NR5A2: variants seen among roughly 807,000 people sequenced by gnomAD.
The protein encoded by NR5A2 is nuclear receptor subfamily 5 group A member 2, also known as CYP7A promoter-binding factor.
A neutral mutation model predicts 62.7 loss-of-function variants in NR5A2; 26 were observed. The ratio of observed to expected loss-of-function variants is 0.41; its 90% CI spans 0.30 to 0.58. The LOEUF (loss-of-function observed/expected upper bound fraction) is 0.58, where lower values mean the gene tolerates loss of function less well. Ranked by LOEUF, NR5A2 falls within the 20% of genes least tolerant of loss-of-function variation. The probability of loss-of-function intolerance (pLI) is 0.22; values close to 1 mark genes in which losing one functional copy is unlikely to be tolerated. For synonymous variants in NR5A2, 246 were observed against 241.7 expected (o/e 1.02, Z -0.16); for missense variants, 541 against 669.1 (o/e 0.81, Z 2.11).
intron 5 of NR5A2, among the ~76,000 whole-genome samples, chr1:200,066,588 C>CTTTTCT (rs1553267898): frequency 8.8e-6 from 1 of 113,156 alleles, no homozygotes; most frequent in African/African-American, 4.1e-5. Context: ...AATTAATTAT[C>CTTTTCT]TTTTTTTTTT....
At chr1:200,089,684 G>A (rs981942453) in intron 5 of NR5A2, among the ~76,000 whole-genome samples, 9 of 151,950 alleles carry the variant, frequency 5.9e-5, no homozygotes, top group Admixed American at 3.3e-4. Context: ...TGCCCAGGCT[G>A]GTCTTGAACT....
intron 7 of NR5A2, among the ~76,000 whole-genome samples, chr1:200,162,452 C>T (rs532427273): frequency 6.6e-6 from 1 of 152,148 alleles, no homozygotes; most frequent in Non-Finnish European, 1.5e-5. Flanking sequence ...GATAGATAAA[C>T]AGGCCAGATA....
chr1:200,072,827 G>A (rs1261112612), intron 5 of NR5A2, among the ~76,000 whole-genome samples: 1 of 152,088 alleles, frequency 6.6e-6, no homozygotes, highest in Non-Finnish European at 1.5e-5. Flanking sequence ...ATAGAAAGGG[G>A]AAGAGCATCT....
At position 200,048,837 on chromosome 1, in the gene NR5A2, C is replaced by G. The variant is rs766518096; in HGVS notation, c.1110+19C>G. ...ACTTAAGGTATGCCACCAGCTATTA[C>G]AACTTACAGCACCCCTTTTAAGAGA... On this transcript the variant is annotated intron_variant, in intron 5 of 7. Coordinates refer to ENST00000367362, the MANE Select transcript of NR5A2 (RefSeq NM_205860.3). The surrounding 1 kb of genome is among the most constrained non-coding windows in gnomAD (Gnocchi z 4.8). 6.2e-7 allele frequency: 1 copy of G among 1,610,804 alleles called. No individual in the cohort carries two copies.
chr1:200,043,828 G>T lies in NR5A2; in HGVS notation c.257G>T (p.Cys86Phe). Residue 86 changes from cysteine (C) to phenylalanine (F), a missense_variant, in exon 3 of 8, where the codon TGT becomes TTT. Cys to Phe is a radical substitution (Grantham distance 205, BLOSUM62 -2). Around this residue, in one of 3 missense-constraint regions of NR5A2, gnomAD observed 54 missense variants for 123.8 expected, o/e 0.44. Coordinates refer to ENST00000367362, the MANE Select transcript of NR5A2 (RefSeq NM_205860.3). Reference sequence around the variant, plus strand: ...TATGATGAAGATCTGGAAGAGCTTTGTCCCGTGTGTGGAGATAAAGTGTCT... The same window carrying T: ...TATGATGAAGATCTGGAAGAGCTTTTTCCCGTGTGTGGAGATAAAGTGTCT... Reference protein sequence around the residue: ...YSYDEDLEELCPVCGDKVSGY... With the variant: ...YSYDEDLEELFPVCGDKVSGY... 1 of 1,613,864 alleles carries T rather than the reference G, an allele frequency of 6.2e-7. No homozygotes were observed. Among genetic ancestry groups the T allele is most frequent in the Non-Finnish European group, 8.5e-7 (1 of 1,179,886 alleles).
intron 7 of NR5A2, among the ~76,000 whole-genome samples, chr1:200,129,609 G>A (rs1440187987): frequency 6.6e-6 from 1 of 152,196 alleles, no homozygotes. Flanking sequence ...TAACTGCTCA[G>A]TTGTTTGCTA....
chr1:200,045,065 G>A (rs1158793127), intron 3 of NR5A2, among the ~76,000 whole-genome samples: 1 of 151,690 alleles, frequency 6.6e-6, no homozygotes, highest in Non-Finnish European at 1.5e-5. Flanking sequence ...AATTATATCA[G>A]ACTACTTAAA....
intron 5 of NR5A2, chr1:200,057,586 C>T (rs986861770): frequency 1.8e-5 from 6 of 342,072 alleles, no homozygotes; most frequent in Non-Finnish European, 3.5e-5. Flanking sequence ...TCAAGTGATT[C>T]GCCTGCCTCA....
chr1:200,061,154 G>A lies in NR5A2; in HGVS notation c.1110+12336G>A, dbSNP rs529643290. ...AAAAAAAAAAAAAATTAAGTCTGAA[G>A]TACCCAGGACTTGTTGAAATGCTGC... On this transcript the variant is annotated intron_variant, in intron 5 of 7. Transcript: ENST00000367362. 1.1e-4 allele frequency among the ~76,000 whole-genome samples: 17 copies of A among 149,150 alleles called. No individual in the cohort carries two copies. The South Asian group carries it at 3.6e-3, about 32-fold the overall frequency.
At chr1:200,111,138 A>G in intron 5 of NR5A2, 64 bp from the exon 6 acceptor site, 1 of 1,568,456 alleles carries the variant, frequency 6.4e-7, no homozygotes, top group East Asian at 2.3e-5. Context: ...CAAAAACAAA[A>G]AAGTAGTGAA....
At chr1:200,079,152 T>C (rs1057336551) in intron 5 of NR5A2, among the ~76,000 whole-genome samples, 6 of 152,318 alleles carry the variant, frequency 3.9e-5, no homozygotes, top group South Asian at 2.1e-4. Flanking sequence ...ACAAATGTTA[T>C]TGATATAAGG....
intron 5 of NR5A2, among the ~76,000 whole-genome samples, chr1:200,098,551 T>A (rs1352994167): frequency 6.6e-6 from 1 of 152,214 alleles, no homozygotes; most frequent in Non-Finnish European, 1.5e-5. Flanking sequence ...TGGGCTTGGA[T>A]TCAGAACACC....
Position 200,039,335 on chromosome 1 carries a change from G to T in NR5A2, c.65-323G>T, listed in dbSNP as rs1216585541. ...CAATAGCAGCCCCGCGGTCGCCTCC[G>T]CTGCCCGCCGGGAGCTCGGCGGTTC... On this transcript the variant is annotated intron_variant, in intron 1 of 7. Transcript: ENST00000367362. The surrounding 1 kb of genome is among the most constrained non-coding windows in gnomAD (Gnocchi z 5.1). Among the ~76,000 whole-genome samples, 1 of 149,368 alleles carries T rather than the reference G, an allele frequency of 6.7e-6. No homozygotes were observed. Among genetic ancestry groups the T allele is most frequent in the African/African-American group, 2.5e-5 (1 of 40,534 alleles).
rs1193219004 is a variant in NR5A2, at chr1:200,048,610, T to A, written c.902T>A (p.Ile301Asn). 1.2e-6 allele frequency: 2 copies of A among 1,614,166 alleles called. No individual in the cohort carries two copies. Among genetic ancestry groups the A allele is most frequent in the Non-Finnish European group, 1.7e-6 (2 of 1,180,034 alleles). Residue 301 changes from isoleucine (I) to asparagine (N), a missense_variant, in exon 5 of 8, where the codon ATC becomes AAC. Around this residue, in one of 3 missense-constraint regions of NR5A2, gnomAD observed 379 missense variants for 442.0 expected, o/e 0.86. Coordinates refer to ENST00000367362, the MANE Select transcript of NR5A2 (RefSeq NM_205860.3). The surrounding 1 kb of genome is among the most constrained non-coding windows in gnomAD (Gnocchi z 4.8). ...TACCAGACGAGCTCTCCAGCAAGCA[T>A]CCCACATCTGATACTGGAACTTTTG... ...DSYQTSSPAS[I>N]PHLILELLKC...
chr1:200,090,179 A>G (rs1030860466), intron 5 of NR5A2, among the ~76,000 whole-genome samples: 1 of 152,318 alleles, frequency 6.6e-6, no homozygotes, highest in Non-Finnish European at 1.5e-5. Flanking sequence ...TCTAGCACAG[A>G]GTTTTGAATT....
intron 1 of NR5A2, among the ~76,000 whole-genome samples, chr1:200,035,190 G>A (rs1661719745): frequency 6.6e-6 from 1 of 152,142 alleles, no homozygotes; most frequent in Non-Finnish European, 1.5e-5. Context: ...ACTTCTTTCG[G>A]GGTCTAAAAG....
intron 4 of NR5A2, among the ~76,000 whole-genome samples, chr1:200,047,431 A>G (rs73068000): frequency 0.024 from 3,693 of 152,242 alleles, 158 homozygotes; most frequent in African/African-American, 0.083. Context: ...AAGTATTCAC[A>G]ATTTAATCCA....
At chr1:200,165,612 T>G (rs938388014) in intron 7 of NR5A2, among the ~76,000 whole-genome samples, 1 of 152,212 alleles carries the variant, frequency 6.6e-6, no homozygotes, top group Admixed American at 6.5e-5. Context: ...TATAGAGCCT[T>G]TTCAAAGTGG....
At chr1:200,131,703 C>T (rs1666976916) in intron 7 of NR5A2, among the ~76,000 whole-genome samples, 1 of 152,148 alleles carries the variant, frequency 6.6e-6, no homozygotes. Context: ...AGATGCTGCA[C>T]TCTAGTGGAC....
Sources: gnomAD v4.1 joint callset for allele counts (sites outside exome capture counted in the v4.1 genomes callset) on GRCh38, gnomAD v4.1.1 for gene constraint, gnomAD v4.1.1 regional missense constraint, Gnocchi (gnomAD v3.1) non-coding constraint, MANE v1.5 for transcripts, NCBI Gene and HGNC (gene_info 2026-07-23, HGNC 2026-07-21) for gene names.